The following HNRNPH1 variants were observed in gnomAD, a reference collection of about 807,000 sequenced individuals.
HNRNPH1 encodes heterogeneous nuclear ribonucleoprotein H.
A neutral mutation model predicts 58.6 loss-of-function variants in HNRNPH1; 4 were observed. The observed-to-expected ratio is 0.07, with a 90% CI of 0.03 to 0.16. The LOEUF (loss-of-function observed/expected upper bound fraction) is 0.16. Among genes scored for constraint, HNRNPH1 ranks in the 10% least tolerant of loss-of-function variants. The pLI, the probability that HNRNPH1 is intolerant of heterozygous loss-of-function variation, is 1.00. For synonymous variants in HNRNPH1, 192 were observed against 189.2 expected, an observed-to-expected ratio of 1.01 and a Z score of -0.12; for missense variants, 271 against 564.2, an observed-to-expected ratio of 0.48 and a Z score of 5.26.
At chr5:179,627,921 CAAA>C (rs574977616), upstream of HNRNPH1, among the ~76,000 whole-genome samples, 3 of 126,676 alleles carry the variant, frequency 2.4e-5, no homozygotes, top group African/African-American at 3.1e-5. Flanking sequence ...GATTCCATTG[CAAA>C]AAAAAAAAAA....
intron 2 of HNRNPH1, among the ~76,000 whole-genome samples, chr5:179,632,181 G>A (rs1057269365): frequency 5.3e-5 from 8 of 152,116 alleles, no homozygotes; most frequent in Non-Finnish European, 7.4e-5. Flanking sequence ...GGTGGCGGGT[G>A]CCTGTAGTCC....
At chr5:179,617,255 C>T (rs1440081128) in intron 8 of HNRNPH1, 145 bp from the exon 10 acceptor site, 3 of 825,254 alleles carry the variant, frequency 3.6e-6, no homozygotes, top group East Asian at 2.7e-5. Flanking sequence ...AGGTGATCTA[C>T]TTTAACTCCA....
At chr5:179,621,795 C>T (rs1772494779) in intron 1 of HNRNPH1, 2 of 376,196 alleles carry the variant, frequency 5.3e-6, no homozygotes, top group Non-Finnish European at 1.0e-5. Context: ...TACCAGTAGC[C>T]ACATTACGGT....
chr5:179,624,520 C>A (rs917500522), exon 1 of HNRNPH1: 1 of 398,758 alleles, frequency 2.5e-6, no homozygotes, highest in Non-Finnish European at 4.4e-6. Context: ...GGCCTCTGCG[C>A]TCGGTAGGTT....
chr5:179,615,584 G>A lies in HNRNPH1; in HGVS notation c.1312C>T (p.Gln438Ter). 6.4e-7 allele frequency: 1 copy of A among 1,563,448 alleles called. No homozygotes were observed. The highest frequency in any genetic ancestry group is 2.3e-5 in the East Asian group (1 of 44,406). ...GATTGAAAATCACTGGAGTTTTCCT[G>A]TAAAACTTGGTCTGCAAAAGGATTT... Residue 438 changes from glutamine to a stop codon, truncating the protein, a stop_gained, in exon 12 of 13, where the codon CAG (glutamine) becomes TAG (stop). Transcript: ENST00000356731. LOFTEE classifies it high-confidence loss of function.
chr5:179,618,142 T>C lies in HNRNPH1; in HGVS notation c.715+3A>G, dbSNP rs1237658071. On this transcript the variant is annotated splice_donor_region_variant and intron_variant, in intron 5 of 12. Coordinates refer to ENST00000356731, the Ensembl canonical transcript of HNRNPH1. ...TTGCCGAACCTTACGAATCCTCACG[T>C]ACCTCCACCATAAGCACCACGCCTC... is the stretch of plus-strand genomic sequence containing the variant. 1 of 1,613,650 alleles carries C rather than the reference T, an allele frequency of 6.2e-7. No homozygotes were observed. The highest frequency in any genetic ancestry group is 1.1e-5 in the South Asian group (1 of 91,010).
At chr5:179,619,676 C>T (rs1000260148) in intron 3 of HNRNPH1, 3 of 255,160 alleles carry the variant, frequency 1.2e-5, no homozygotes, top group Non-Finnish European at 2.2e-5. Context: ...AACTTAAGAA[C>T]ACATATCTAT....
intron 10 of HNRNPH1, 99 bp from the exon 12 acceptor site, chr5:179,616,317 A>G: frequency 1.0e-6 from 1 of 955,576 alleles, no homozygotes; most frequent in Non-Finnish European, 1.7e-6. Flanking sequence ...TCCAGTCTTG[A>G]TCTTACATTA....
At chr5:179,633,276 C>T (rs927764206) in intron 2 of HNRNPH1, among the ~76,000 whole-genome samples, 2 of 143,156 alleles carry the variant, frequency 1.4e-5, no homozygotes, top group African/African-American at 5.1e-5. Flanking sequence ...CAGGTGTGAG[C>T]CACCACGCCC....
At position 179,618,179 on chromosome 5, in the gene HNRNPH1, G is replaced by A. The variant is rs759088364; in HGVS notation, c.681C>T (p.Gly227=). 1.1e-5 allele frequency: 17 copies of A among 1,614,068 alleles called. No homozygotes were observed. The South Asian group carries it at 1.9e-4, about 18-fold the overall frequency. The change falls in exon 5 of 13, where the codon GGC becomes GGT. Residue 227 remains glycine (G), a synonymous_variant. Coordinates refer to ENST00000356731, the Ensembl canonical transcript of HNRNPH1. ...AAGCACCACGCCTCATCCTCTCAAA[G>A]CCAGCTCCTCTGCCAATGCTGTTAT...
At chr5:179,632,576 G>C (rs1203251375) in intron 2 of HNRNPH1, among the ~76,000 whole-genome samples, 1 of 151,956 alleles carries the variant, frequency 6.6e-6, no homozygotes, top group Non-Finnish European at 1.5e-5. Context: ...CCAGCCGTCC[G>C]CTGAGGAGAA....
At chr5:179,617,487 A>G (rs979079253) in intron 8 of HNRNPH1, 27 bp downstream of exon 9, 2 of 1,608,102 alleles carry the variant, frequency 1.2e-6, no homozygotes, top group Non-Finnish European at 1.7e-6. Flanking sequence ...ACCTGTTAAG[A>G]GCCCACAAAT....
At chr5:179,628,705 C>A (rs895422616), upstream of HNRNPH1, among the ~76,000 whole-genome samples, 1 of 152,182 alleles carries the variant, frequency 6.6e-6, no homozygotes, top group Non-Finnish European at 1.5e-5. Context: ...TCTGGGAGGC[C>A]ATGGTGGGCT....
At chr5:179,617,006 T>G (rs543824675) in intron 9 of HNRNPH1, 45 bp downstream of exon 10, 1 of 1,585,652 alleles carries the variant, frequency 6.3e-7, no homozygotes, top group East Asian at 2.3e-5. Flanking sequence ...AAAAAGACAC[T>G]AAAGTGATAT....
chr5:179,625,977 T>TG (rs1774360747), upstream of HNRNPH1, among the ~76,000 whole-genome samples: 1 of 151,930 alleles, frequency 6.6e-6, no homozygotes, highest in Non-Finnish European at 1.5e-5. Context: ...TTTGTAGCAA[T>TG]GGGGTCTCAT....
chr5:179,621,213 T>C (rs1243116307), intron 2 of HNRNPH1, 29 bp downstream of exon 3: 9 of 1,603,846 alleles, frequency 5.6e-6, no homozygotes, highest in Non-Finnish European at 7.7e-6. Context: ...ATGCTTTATT[T>C]ACTGTAACTA....
At chr5:179,618,090 A>G (rs779319718) in intron 5 of HNRNPH1, 30 bp from the exon 7 acceptor site, 10 of 1,613,540 alleles carry the variant, frequency 6.2e-6, no homozygotes, top group South Asian at 5.5e-5. Context: ...CAATCAAATA[A>G]AACACCTAGA....
upstream of HNRNPH1, chr5:179,629,200 G>A (rs894983061): frequency 3.3e-5 from 5 of 151,676 alleles, no homozygotes; most frequent in African/African-American, 1.2e-4. Context: ...GGGAGGCTGA[G>A]GCAGGAGAAT....
At chr5:179,621,674 C>T (rs1772410047) in intron 1 of HNRNPH1, 1 of 463,904 alleles carries the variant, frequency 2.2e-6, no homozygotes, top group Non-Finnish European at 3.9e-6. Context: ...GTCTACATCA[C>T]ACATCTTTTA....
Sources: gnomAD v4.1 joint callset for allele counts (sites outside exome capture counted in the v4.1 genomes callset) on GRCh38, gnomAD v4.1.1 for gene constraint, MANE v1.5 for transcripts, NCBI Gene and HGNC (gene_info 2026-07-23, HGNC 2026-07-21) for gene names.